The following CIITA variants were observed in gnomAD, a reference collection of about 807,000 sequenced individuals.
The protein encoded by CIITA is MHC class II transactivator.
Under a neutral mutation model 115.1 loss-of-function variants are expected in CIITA, and 72 were observed. The observed-to-expected ratio is 0.63, with a 90% CI of 0.52 to 0.76. The LOEUF (loss-of-function observed/expected upper bound fraction) is 0.76. Ranked by LOEUF, CIITA falls within the 30% of genes least tolerant of loss-of-function variation. The pLI is 0.00. For synonymous variants in CIITA, 763 were observed against 635.6 expected (o/e 1.20, Z -3.02); for missense variants, 1,617 against 1,463.8 (o/e 1.10, Z -1.71).
intron 1 of CIITA, among the ~76,000 whole-genome samples, chr16:10,877,653 C>G (rs2035964101): frequency 6.6e-6 from 1 of 152,200 alleles, no homozygotes; most frequent in Non-Finnish European, 1.5e-5. Context: ...CAGTGTGTCA[C>G]TAACTCTCAG....
At chr16:10,897,489 A>G (rs1438515312) in intron 3 of CIITA, among the ~76,000 whole-genome samples, 1 of 152,316 alleles carries the variant, frequency 6.6e-6, no homozygotes, top group Non-Finnish European at 1.5e-5. Flanking sequence ...TTTATACATG[A>G]GTTTTGGAGA....
At chr16:10,908,921 C>T (rs756518891) in intron 11 of CIITA, 108 bp from the exon 12 acceptor site, 25 of 1,519,872 alleles carry the variant, frequency 1.6e-5, no homozygotes, top group Non-Finnish European at 2.2e-5. Context: ...AGAGGTTGAG[C>T]TAAGGAAAGA....
chr16:10,867,936 A>G (rs2035207391), intron 1 of CIITA, among the ~76,000 whole-genome samples: 2 of 151,792 alleles, frequency 1.3e-5, no homozygotes, highest in African/African-American at 4.8e-5. Context: ...TTTTTTAATT[A>G]TTTTTTGTAG....
At chr16:10,876,308 C>T (rs2035840002), upstream of CIITA, among the ~76,000 whole-genome samples, 1 of 152,208 alleles carries the variant, frequency 6.6e-6, no homozygotes. Flanking sequence ...AGCCACCTGG[C>T]CCAGCCATCT....
At position 10,916,433 on chromosome 16, in the gene CIITA, C is replaced by G. The variant is rs758805572; in HGVS notation, c.3036C>G (p.Pro1012=). The change falls in exon 15 of 20, where the codon CCC becomes CCG. Residue 1012 remains proline (P), a synonymous_variant. Coordinates refer to ENST00000324288, the MANE Select transcript of CIITA (RefSeq NM_000246.4). ...TCTCGCAGCTCTCAGCCACCTTCCC[C>G]CAGCTGAAGTCCTTGGAAACCCTCA... is the stretch of plus-strand genomic sequence containing the variant. ...EGVSQLSATF[P]QLKSLETLNL... is the part of the protein sequence containing the mutation. 1.1e-5 allele frequency: 18 copies of G among 1,612,930 alleles called. No individual in the cohort carries two copies. The highest frequency in any genetic ancestry group is 5.0e-5 in the Admixed American group (3 of 59,918).
chr16:10,877,151 G>C, upstream of CIITA: 5 of 674,810 alleles, frequency 7.4e-6, no homozygotes, highest in Non-Finnish European at 1.4e-5. Context: ...TCCCTCACTT[G>C]TTTCTTTGCA....
chr16:10,919,768 C>G (rs906484098), intron 16 of CIITA, among the ~76,000 whole-genome samples: 57 of 152,154 alleles, frequency 3.7e-4, no homozygotes, highest in African/African-American at 1.4e-3. Flanking sequence ...TAGAATCTGT[C>G]TGGTTCATAA....
At chr16:10,911,754 T>C (rs1180193014) in intron 13 of CIITA, among the ~76,000 whole-genome samples, 1 of 151,794 alleles carries the variant, frequency 6.6e-6, no homozygotes, top group Non-Finnish European at 1.5e-5. Flanking sequence ...TTTCACCATG[T>C]TGCCCAGTCT....
chr16:10,872,843 A>G (rs1214473743), upstream of CIITA, among the ~76,000 whole-genome samples: 2 of 152,264 alleles, frequency 1.3e-5, no homozygotes, highest in Non-Finnish European at 2.9e-5. Context: ...GCATGAGATG[A>G]AGAAGGACTT....
downstream of CIITA, chr16:10,936,561 T>C (rs1027456096): frequency 2.6e-5 from 4 of 152,248 alleles, no homozygotes; most frequent in African/African-American, 7.2e-5. Flanking sequence ...GTTTGTGCTC[T>C]TGCAACTTTT....
At chr16:10,918,392 G>A in intron 15 of CIITA, 48 bp from the exon 16 acceptor site, 2 of 1,513,348 alleles carry the variant, frequency 1.3e-6, no homozygotes, top group Non-Finnish European at 1.8e-6. Flanking sequence ...GTCAAAGTGA[G>A]GCATGCAAGT....
chr16:10,923,619 C>G lies in CIITA; in HGVS notation c.*23-259C>G, dbSNP rs983664423. Among the ~76,000 whole-genome samples, 21 of 152,178 alleles carry G rather than the reference C, an allele frequency of 1.4e-4. No individual in the cohort carries two copies. The highest frequency in any genetic ancestry group is 4.8e-4 in the African/African-American group (20 of 41,442). Reference sequence around the variant, plus strand: ...AGAGCTTCCTTTGGGGACTCCAAGCCTTCCCAGCTGCTGTTTCGGCTTGGT... The same window carrying G: ...AGAGCTTCCTTTGGGGACTCCAAGCGTTCCCAGCTGCTGTTTCGGCTTGGT... On this transcript the variant is annotated intron_variant, in intron 19 of 19. Transcript: ENST00000324288. This position sits in a 1 kb window ranked among gnomAD's most constrained non-coding sequence, Gnocchi z 5.2.
chr16:10,913,120 T>G (rs1461391352), intron 13 of CIITA, among the ~76,000 whole-genome samples: 2 of 152,226 alleles, frequency 1.3e-5, no homozygotes, highest in Non-Finnish European at 2.9e-5. Context: ...CTAGGCATGC[T>G]TCTGCCTCCA....
At chr16:10,866,249 A>G, upstream of CIITA, 1 of 514,424 alleles carries the variant, frequency 1.9e-6, no homozygotes, top group Non-Finnish European at 3.8e-6. Flanking sequence ...CGGAGATTCC[A>G]GGCACTGGCC....
chr16:10,915,938 C>T (rs577242118), intron 14 of CIITA, among the ~76,000 whole-genome samples: 24 of 152,212 alleles, frequency 1.6e-4, no homozygotes, highest in Non-Finnish European at 2.9e-4. Flanking sequence ...GATGAGATGA[C>T]GCCACATCAG....
intron 8 of CIITA, among the ~76,000 whole-genome samples, chr16:10,903,053 C>T (rs769806122): frequency 2.0e-5 from 3 of 152,164 alleles, no homozygotes; most frequent in Non-Finnish European, 4.4e-5. Context: ...CCCTTCTGAC[C>T]CTTAGTTTTT....
At position 10,906,909 on chromosome 16, in the gene CIITA, G is replaced by C; in HGVS notation, c.1417G>C (p.Gly473Arg). The change falls in exon 11 of 20, where the codon GGC (glycine) becomes CGC (arginine). Residue 473 changes from glycine to arginine, a missense_variant. Coordinates refer to ENST00000324288, the MANE Select transcript of CIITA (RefSeq NM_000246.4). ...CCTGCAGGATCTGCTCTTCTCCCTG[G>C]GCCCACAGCCACTCGTGGCGGCCGA... is the stretch of plus-strand genomic sequence containing the variant. ...YGLQDLLFSL[G>R]PQPLVAADEV... is the part of the protein sequence containing the mutation. 6.2e-7 allele frequency: 1 copy of C among 1,613,438 alleles called. No individual in the cohort carries two copies. Among genetic ancestry groups the C allele is most frequent in the Admixed American group, 1.7e-5 (1 of 60,006 alleles).
Position 10,915,635 on chromosome 16 carries a change from C to T in CIITA, c.2954C>T (p.Ser985Phe), listed in dbSNP as rs746492043. Reference sequence around the variant, plus strand: ...GTGCGGATCCTCACGGCCTTTTCCTCCCTGCAGCATCTGGAGTGAGTATAG... The same window carrying T: ...GTGCGGATCCTCACGGCCTTTTCCTTCCTGCAGCATCTGGAGTGAGTATAG... Reference protein sequence around the residue: ...KLVRILTAFSSLQHLDLDALS... With the variant: ...KLVRILTAFSFLQHLDLDALS... Residue 985 changes from serine to phenylalanine, a missense_variant, in exon 14 of 20, where the codon TCC becomes TTC. Transcript: ENST00000324288. 5.0e-6 allele frequency: 8 copies of T among 1,613,976 alleles called. No homozygotes were observed.
intron 1 of CIITA, among the ~76,000 whole-genome samples, chr16:10,868,867 G>T (rs1481329439): frequency 6.6e-6 from 1 of 152,202 alleles, no homozygotes; most frequent in Admixed American, 6.5e-5. Context: ...CGGGGAGCTG[G>T]GAGGGGTGCA....
Sources: gnomAD v4.1 joint callset for allele counts (sites outside exome capture counted in the v4.1 genomes callset) on GRCh38, gnomAD v4.1.1 for gene constraint, Gnocchi (gnomAD v3.1) non-coding constraint, MANE v1.5 for transcripts, NCBI Gene and HGNC (gene_info 2026-07-23, HGNC 2026-07-21) for gene names.